The following SV2C variants were observed in gnomAD, a reference collection of about 807,000 sequenced individuals.
SV2C encodes the protein solute carrier family 22 member B3.
Under a neutral mutation model 79.7 loss-of-function variants are expected in SV2C, and 49 were observed. The ratio of observed to expected loss-of-function variants is 0.61; its 90% confidence interval spans 0.49 to 0.78. SV2C has a LOEUF of 0.78. SV2C is among the 30% of genes least tolerant of loss of function. The pLI is 0.00. For missense variants in SV2C, 833 were observed against 912.9 expected, an observed-to-expected ratio of 0.91 and a Z score of 1.13; for synonymous variants, 334 against 333.2, an observed-to-expected ratio of 1.00 and a Z score of -0.03.
At chr5:76,318,155 C>T (rs1430229305) in intron 12 of SV2C, among the ~76,000 whole-genome samples, 2 of 152,224 alleles carry the variant, frequency 1.3e-5, no homozygotes, top group East Asian at 3.9e-4. Flanking sequence ...TGCAGTGGCT[C>T]ATGCCGGTAA....
the SV2C span, among the ~76,000 whole-genome samples, chr5:75,916,663 C>T: frequency 5.7e-3 from 867 of 152,160 alleles, 3 homozygotes; most frequent in Middle Eastern, 0.037. Context: ...TTAGTAGAGA[C>T]GGGGTTTCAC....
In SV2C at chr5:76,209,801, G is replaced by A. The variant is rs767158602; in HGVS notation, c.827G>A (p.Gly276Asp). Residue 276 changes from glycine to aspartate, a missense_variant, in exon 4 of 13, where the codon GGC becomes GAC. Physicochemically the swap from Gly to Asp is moderately conservative, Grantham distance 94 (BLOSUM62 -1). Coordinates refer to ENST00000502798, the MANE Select transcript of SV2C (RefSeq NM_014979.4). ...GAAGTCCTGGCCCGGGAAAAGCGGG[G>A]CGAACACTTGAGCTGGCTCTGCATG... ...FAEVLAREKR[G>D]EHLSWLCMFW... is the part of the protein sequence containing the mutation. 6.2e-7 allele frequency: 1 copy of A among 1,614,220 alleles called. No homozygotes were observed. The highest frequency in any genetic ancestry group is 8.5e-7 in the Non-Finnish European group (1 of 1,180,044).
the SV2C span, among the ~76,000 whole-genome samples, chr5:75,893,917 A>T: frequency 6.6e-6 from 1 of 152,072 alleles, no homozygotes; most frequent in Non-Finnish European, 1.5e-5. Flanking sequence ...TTGATCTGCG[A>T]ATGACAGCCA....
At chr5:76,012,520 G>A in the SV2C span, among the ~76,000 whole-genome samples, 1 of 152,072 alleles carries the variant, frequency 6.6e-6, no homozygotes, top group East Asian at 1.9e-4. Flanking sequence ...TTGTCAGATG[G>A]ATGGATTGCA....
intron 1 of SV2C, among the ~76,000 whole-genome samples, chr5:76,119,530 A>T (rs1282438501): frequency 6.6e-6 from 1 of 152,126 alleles, no homozygotes; most frequent in Non-Finnish European, 1.5e-5. Flanking sequence ...GACAGTCCAC[A>T]ACTGCCCTGC....
chr5:76,230,239 A>G (rs1246567461), intron 4 of SV2C, among the ~76,000 whole-genome samples: 1 of 152,244 alleles, frequency 6.6e-6, no homozygotes, highest in Admixed American at 6.5e-5. Context: ...CAAATCCACA[A>G]TTAAAACACA....
chr5:76,228,175 C>T (rs1745311377), intron 4 of SV2C, among the ~76,000 whole-genome samples: 1 of 152,010 alleles, frequency 6.6e-6, no homozygotes. Flanking sequence ...ATTTATTGAA[C>T]ATGTCAGGCA....
rs1173509774 is a variant in SV2C at position 76,325,923 on chromosome 5, T to C, written c.*376T>C. On this transcript the variant is annotated 3_prime_UTR_variant, in exon 13 of 13. Coordinates refer to ENST00000502798, the MANE Select transcript of SV2C (RefSeq NM_014979.4). The stretch of plus-strand genomic sequence containing the variant: ...ATAGATCCTGCTCCTAATTTAACAT[T>C]AACAGGAAATATAAGTCGGCACATT... 1 of 167,986 alleles carries C rather than the reference T, an allele frequency of 6.0e-6. No individual in the cohort carries two copies. The highest frequency in any genetic ancestry group is 2.4e-5 in the African/African-American group (1 of 41,902). 10.4% of individuals were successfully genotyped at this position (167,986 alleles called of 1,614,324 possible). A position where few individuals can be genotyped will look rare whatever the true frequency, so the allele number is the denominator to read the frequency against.
At chr5:75,888,465 GA>G in the SV2C span, among the ~76,000 whole-genome samples, 1 of 151,818 alleles carries the variant, frequency 6.6e-6, no homozygotes, top group South Asian at 2.1e-4. Context: ...TTTGGCCACA[GA>G]GGCATTTCAC....
chr5:75,928,535 C>G, the SV2C span, among the ~76,000 whole-genome samples: 1 of 152,152 alleles, frequency 6.6e-6, no homozygotes, highest in East Asian at 1.9e-4. Flanking sequence ...CAATTGTAAT[C>G]AGAATTTTGG....
chr5:76,007,475 T>C, the SV2C span, among the ~76,000 whole-genome samples: 5 of 152,058 alleles, frequency 3.3e-5, no homozygotes, highest in Non-Finnish European at 5.9e-5. Flanking sequence ...AGTTTCTTAG[T>C]TGGGGCTCTG....
chr5:76,259,995 G>C (rs1378521943), intron 4 of SV2C, among the ~76,000 whole-genome samples: 1 of 152,080 alleles, frequency 6.6e-6, no homozygotes, highest in African/African-American at 2.4e-5. Flanking sequence ...TGGTATTTCT[G>C]GTTCTAGATT....
chr5:76,226,368 A>G (rs1256109234), intron 4 of SV2C, among the ~76,000 whole-genome samples: 1 of 152,166 alleles, frequency 6.6e-6, no homozygotes, highest in Non-Finnish European at 1.5e-5. Context: ...CACACCCTCT[A>G]TAGAGGATTA....
chr5:76,044,809 C>T, the SV2C span, among the ~76,000 whole-genome samples: 6 of 152,098 alleles, frequency 3.9e-5, no homozygotes, highest in East Asian at 1.2e-3. Flanking sequence ...TAGATTCTGG[C>T]TATTAGACCT....
At chr5:76,159,468 A>C (rs1742836311) in intron 2 of SV2C, among the ~76,000 whole-genome samples, 1 of 152,136 alleles carries the variant, frequency 6.6e-6, no homozygotes, top group Admixed American at 6.6e-5. Context: ...AAAGTACCAA[A>C]AACTGGGTAA....
chr5:76,129,784 G>A (rs1332297175), intron 1 of SV2C, among the ~76,000 whole-genome samples: 1 of 152,166 alleles, frequency 6.6e-6, no homozygotes, highest in African/African-American at 2.4e-5. Flanking sequence ...GGGTAGTGCT[G>A]TAGGGTCATT....
At chr5:76,140,392 T>C (rs1364490712) in intron 2 of SV2C, among the ~76,000 whole-genome samples, 1 of 152,174 alleles carries the variant, frequency 6.6e-6, no homozygotes, top group Non-Finnish European at 1.5e-5. Context: ...TGGATAGATA[T>C]GACCTGAAAC....
the SV2C span, among the ~76,000 whole-genome samples, chr5:75,866,896 C>G: frequency 7.4e-4 from 112 of 152,230 alleles, no homozygotes; most frequent in Middle Eastern, 0.024. Context: ...CTACCTATCC[C>G]CTCTTAGGGT....
At chr5:76,112,748 T>A (rs549209453) in intron 1 of SV2C, among the ~76,000 whole-genome samples, 141 of 152,358 alleles carry the variant, frequency 9.3e-4, no homozygotes, top group Non-Finnish European at 1.8e-3. Flanking sequence ...CCTTCTTTTT[T>A]AGGAACACTT....
Sources: gnomAD v4.1 joint callset for allele counts (sites outside exome capture counted in the v4.1 genomes callset) on GRCh38, gnomAD v4.1.1 for gene constraint, MANE v1.5 for transcripts, NCBI Gene and HGNC (gene_info 2026-07-23, HGNC 2026-07-21) for gene names.